The following CNTNAP2 variants were observed in gnomAD, a reference collection of about 807,000 sequenced individuals.
The protein encoded by CNTNAP2 is contactin associated protein 2.
In CNTNAP2, 98 loss-of-function variants were observed where a neutral mutation model predicts 155.2. The ratio of observed to expected loss-of-function variants is 0.63; its 90% CI spans 0.54 to 0.75. CNTNAP2 has a LOEUF of 0.75. Ranked by LOEUF, CNTNAP2 falls within the 30% of genes least tolerant of loss-of-function variation. The pLI, the probability that CNTNAP2 is intolerant of heterozygous loss-of-function variation, is 0.00. For synonymous variants in CNTNAP2, 651 were observed against 631.2 expected (o/e 1.03, Z -0.47); for missense variants, 1,727 against 1,688.1 (o/e 1.02, Z -0.40).
chr7:147,287,753 A>T (rs1250426516), intron 8 of CNTNAP2, among the ~76,000 whole-genome samples: 1 of 152,066 alleles, frequency 6.6e-6, no homozygotes, highest in Admixed American at 6.6e-5. Flanking sequence ...CCAGTCTCTC[A>T]TTACAGTTAA....
At chr7:146,203,977 T>C (rs1001802901) in intron 1 of CNTNAP2, among the ~76,000 whole-genome samples, 16 of 152,158 alleles carry the variant, frequency 1.1e-4, no homozygotes, top group Admixed American at 9.2e-4. Context: ...ATACTGTACC[T>C]TTACTACATA....
At chr7:148,192,085 G>T (rs1207251674) in intron 18 of CNTNAP2, among the ~76,000 whole-genome samples, 1 of 152,144 alleles carries the variant, frequency 6.6e-6, no homozygotes, top group African/African-American at 2.4e-5. Context: ...GGAGACTTCC[G>T]TTAATGTGTT....
chr7:148,367,941 T>A (rs1278359481), intron 21 of CNTNAP2, among the ~76,000 whole-genome samples: 1 of 152,196 alleles, frequency 6.6e-6, no homozygotes, highest in Non-Finnish European at 1.5e-5. Flanking sequence ...GACTAGAGAA[T>A]GTGCCCAGCT....
At chr7:147,747,214 A>T (rs1797058690) in intron 13 of CNTNAP2, among the ~76,000 whole-genome samples, 1 of 152,184 alleles carries the variant, frequency 6.6e-6, no homozygotes, top group Non-Finnish European at 1.5e-5. Flanking sequence ...CACATCTAGG[A>T]GTCTTCCTCC....
At chr7:147,652,998 A>G (rs1469289648) in intron 13 of CNTNAP2, among the ~76,000 whole-genome samples, 2 of 152,204 alleles carry the variant, frequency 1.3e-5, no homozygotes, top group African/African-American at 4.8e-5. Flanking sequence ...GGCCCTGACA[A>G]GTATATTAAA....
At chr7:146,357,627 T>C (rs917355336) in intron 1 of CNTNAP2, among the ~76,000 whole-genome samples, 1 of 152,186 alleles carries the variant, frequency 6.6e-6, no homozygotes, top group Non-Finnish European at 1.5e-5. Flanking sequence ...GGTAGAGTTG[T>C]AGGAAAACAA....
At chr7:146,402,567 A>T (rs977531227) in intron 1 of CNTNAP2, among the ~76,000 whole-genome samples, 6 of 152,174 alleles carry the variant, frequency 3.9e-5, no homozygotes, top group Non-Finnish European at 7.4e-5. Flanking sequence ...CTACCTGCCA[A>T]AAAGGAAGTA....
chr7:146,774,501 C>A, intron 2 of CNTNAP2, 120 bp downstream of exon 2: 1 of 711,112 alleles, frequency 1.4e-6, no homozygotes. Flanking sequence ...ATCACTCCTG[C>A]CACTTCTATT....
At chr7:146,436,309 G>A (rs1372451374) in intron 1 of CNTNAP2, among the ~76,000 whole-genome samples, 2 of 152,092 alleles carry the variant, frequency 1.3e-5, no homozygotes, top group Non-Finnish European at 2.9e-5. Flanking sequence ...TACAAAAGAG[G>A]TATGCTCTTA....
chr7:147,297,451 A>T (rs1225887428), intron 8 of CNTNAP2, among the ~76,000 whole-genome samples: 3 of 152,208 alleles, frequency 2.0e-5, no homozygotes, highest in Non-Finnish European at 2.9e-5. Flanking sequence ...ATAAGGAAAA[A>T]TAAAGCTCAG....
chr7:146,475,002 C>CGT (rs1237872366), intron 1 of CNTNAP2, among the ~76,000 whole-genome samples: 2 of 121,262 alleles, frequency 1.6e-5, no homozygotes, highest in Admixed American at 9.2e-5. Flanking sequence ...AGCGCGCACG[C>CGT]GCGCGCGCGC....
At chr7:147,028,300 A>T (rs538718906) in intron 3 of CNTNAP2, among the ~76,000 whole-genome samples, 80 of 152,382 alleles carry the variant, frequency 5.2e-4, no homozygotes, top group Non-Finnish European at 9.3e-4. Flanking sequence ...AAGTTTGGAT[A>T]TGAAATTGTC....
chr7:146,473,749 T>C lies in CNTNAP2; in HGVS notation c.98-300522T>C, dbSNP rs192041774. ...TTTATCTCCGAATACCTATTTTGTA[T>C]GTTTTTCCCCCCATTTTTCTATTCA... On this transcript the variant is annotated intron_variant, in intron 1 of 23. Coordinates refer to ENST00000361727, the MANE Select transcript of CNTNAP2 (RefSeq NM_014141.6). 4.8e-5 allele frequency among the ~76,000 whole-genome samples: 7 copies of C among 146,860 alleles called. No homozygotes were observed. In the East Asian group the frequency reaches 1.2e-3, roughly 26 times the overall value.
At chr7:146,594,157 C>T (rs1393699886) in intron 1 of CNTNAP2, among the ~76,000 whole-genome samples, 1 of 152,154 alleles carries the variant, frequency 6.6e-6, no homozygotes, top group Non-Finnish European at 1.5e-5. Context: ...CCCCCTCATT[C>T]ATGCTGTATC....
chr7:146,283,976 C>T (rs1800290248), intron 1 of CNTNAP2, among the ~76,000 whole-genome samples: 1 of 152,038 alleles, frequency 6.6e-6, no homozygotes, highest in African/African-American at 2.4e-5. Context: ...ATTTATACTC[C>T]CAATACAAAC....
intron 15 of CNTNAP2, among the ~76,000 whole-genome samples, chr7:148,057,977 ATTATTATTATTG>A (rs2116505993): frequency 6.8e-6 from 1 of 148,038 alleles, no homozygotes; most frequent in African/African-American, 2.4e-5. Flanking sequence ...TATTATTATT[ATTATTATTATTG>A]TTATTATTTG....
intron 1 of CNTNAP2, among the ~76,000 whole-genome samples, chr7:146,233,680 T>C (rs1365751915): frequency 6.6e-6 from 1 of 152,078 alleles, no homozygotes; most frequent in Non-Finnish European, 1.5e-5. Context: ...GTGTTCTCAT[T>C]GTTCAATTCC....
chr7:148,021,805 A>G (rs1322277157), intron 15 of CNTNAP2, among the ~76,000 whole-genome samples: 1 of 152,222 alleles, frequency 6.6e-6, no homozygotes, highest in Non-Finnish European at 1.5e-5. Flanking sequence ...CCTCTCCCCC[A>G]AAACCTGGAG....
At chr7:148,099,473 G>C (rs945934968) in intron 15 of CNTNAP2, among the ~76,000 whole-genome samples, 1 of 146,810 alleles carries the variant, frequency 6.8e-6, no homozygotes, top group Non-Finnish European at 1.5e-5. Context: ...GATATGGGCA[G>C]TTGTAGTGTG....
Sources: allele counts gnomAD v4.1 joint callset (sites outside exome capture counted in the v4.1 genomes callset), GRCh38; gene constraint gnomAD v4.1.1; transcripts MANE v1.5; gene names NCBI Gene and HGNC (gene_info 2026-07-23, HGNC 2026-07-21).